Variants in PARVB observed in about 807,000 individuals in gnomAD.
PARVB encodes the protein parvin beta, also known as beta-parvin.
Under a neutral mutation model 47.0 loss-of-function variants are expected in PARVB, and 46 were observed. The ratio of observed to expected loss-of-function variants is 0.98; its 90% CI spans 0.77 to 1.25. The LOEUF (loss-of-function observed/expected upper bound fraction) is 1.25, where lower values mean the gene tolerates loss of function less well. Ranked by LOEUF, PARVB falls within the 50% of genes most tolerant of loss-of-function variation. The pLI, the probability that PARVB is intolerant of heterozygous loss-of-function variation, is 0.00. For missense variants in PARVB, 473 were observed against 471.6 expected (o/e 1.00, Z -0.03); for synonymous variants, 196 against 196.3 (o/e 1.00, Z 0.01).
intron 1 of PARVB, chr22:44,086,979 T>G (rs1300994481): frequency 4.1e-6 from 1 of 246,284 alleles, no homozygotes; most frequent in African/African-American, 2.3e-5. Context: ...GTGGCGTGAG[T>G]TGGCACAGAG....
chr22:44,093,093 C>G (rs738476), intron 1 of PARVB, among the ~76,000 whole-genome samples: 86,762 of 152,080 alleles, frequency 0.57, 25,118 homozygotes, highest in East Asian at 0.86. Context: ...GCTGGAACCT[C>G]GAGTCTTACA....
At chr22:44,032,753 A>G (rs979527627) in intron 1 of PARVB, among the ~76,000 whole-genome samples, 6 of 152,196 alleles carry the variant, frequency 3.9e-5, no homozygotes, top group Admixed American at 6.5e-5. Flanking sequence ...GTGGCAAGTC[A>G]GCTCAGTTTA....
chr22:44,006,267 T>G (rs1308071327), intron 2 of PARVB, among the ~76,000 whole-genome samples: 1 of 148,718 alleles, frequency 6.7e-6, no homozygotes, highest in Admixed American at 6.9e-5. Context: ...ATGCTTTCAA[T>G]AGTGTATATC....
rs758874179 is a variant in PARVB at position 44,140,152 on chromosome 22, C to A, written c.712+9C>A. 2 of 1,613,868 alleles carry A rather than the reference C, an allele frequency of 1.2e-6. No individual in the cohort carries two copies. The highest frequency in any genetic ancestry group is 1.7e-6 in the Non-Finnish European group (2 of 1,179,892). ...GATGATGGGCCGGTTCGGTAAGTAA[C>A]CCCAGGGAAAGTGGGGAGATGGAGG... On this transcript the variant is annotated intron_variant, in intron 8 of 12. Coordinates refer to ENST00000338758, the MANE Select transcript of PARVB (RefSeq NM_013327.5).
intron 1 of PARVB, among the ~76,000 whole-genome samples, chr22:44,054,563 G>A (rs987655098): frequency 2.0e-5 from 3 of 152,184 alleles, no homozygotes; most frequent in Non-Finnish European, 4.4e-5. Flanking sequence ...CCAGGGGCAG[G>A]GGTTGGGGGC....
intron 11 of PARVB, among the ~76,000 whole-genome samples, chr22:44,159,404 G>A (rs1390533650): frequency 6.6e-6 from 1 of 152,156 alleles, no homozygotes; most frequent in African/African-American, 2.4e-5. Context: ...TTTGAAACTG[G>A]GATGAAAGTC....
In PARVB at chr22:44,073,877, G is replaced by A. The variant is rs1017111936; in HGVS notation, c.113-20051G>A. Among the ~76,000 whole-genome samples, 8 of 152,362 alleles carry A rather than the reference G, an allele frequency of 5.3e-5. No individual in the cohort carries two copies. The East Asian group carries it at 1.2e-3, about 22-fold the overall frequency. On this transcript the variant is annotated intron_variant, in intron 1 of 12. Coordinates refer to ENST00000338758, the MANE Select transcript of PARVB (RefSeq NM_013327.5). ...CAGGAGATCCTCAAAACAGATGAGC[G>A]AGCATGATTGCCATTTTTACACTCC...
chr22:44,065,904 C>G (rs970176225), intron 1 of PARVB, among the ~76,000 whole-genome samples: 1 of 151,756 alleles, frequency 6.6e-6, no homozygotes, highest in Non-Finnish European at 1.5e-5. Context: ...TCTTTATCCA[C>G]TCATTGATTG....
At chr22:44,164,413 C>CCCG (rs1555913776) in intron 12 of PARVB, among the ~76,000 whole-genome samples, 74 of 143,988 alleles carry the variant, frequency 5.1e-4, no homozygotes, top group African/African-American at 1.5e-3. Flanking sequence ...TCCCTGTCCC[C>CCCG]CCCCCGGCTC....
chr22:44,038,825 C>T (rs1294433505), intron 1 of PARVB, among the ~76,000 whole-genome samples: 1 of 152,062 alleles, frequency 6.6e-6, no homozygotes, highest in African/African-American at 2.4e-5. Context: ...CCTGGTCAAG[C>T]CATCGAGTGG....
intron 1 of PARVB, among the ~76,000 whole-genome samples, chr22:44,058,658 G>C (rs1271443208): frequency 1.3e-5 from 2 of 148,956 alleles, no homozygotes; most frequent in African/African-American, 2.5e-5. Context: ...GAGTTCAAGC[G>C]ACTCTCCTGC....
At chr22:44,130,331 C>T (rs1287198709) in intron 4 of PARVB, among the ~76,000 whole-genome samples, 2 of 152,150 alleles carry the variant, frequency 1.3e-5, no homozygotes, top group African/African-American at 4.8e-5. Flanking sequence ...CGAAGACTAG[C>T]AGGGAAACTG....
chr22:44,034,835 C>T (rs1167709326), intron 1 of PARVB, among the ~76,000 whole-genome samples: 2 of 151,434 alleles, frequency 1.3e-5, no homozygotes, highest in East Asian at 1.9e-4. Flanking sequence ...CTCAGCTTCC[C>T]GAGTAGCTGG....
At chr22:44,034,289 TTATACATATA>T (rs2050878195) in intron 1 of PARVB, among the ~76,000 whole-genome samples, 1 of 123,706 alleles carries the variant, frequency 8.1e-6, no homozygotes, top group Non-Finnish European at 1.8e-5. Context: ...ATGGGTGTCT[TTATACATATA>T]TATGTTTGAG....
chr22:44,069,550 T>A (rs1261836504), intron 1 of PARVB, among the ~76,000 whole-genome samples: 1 of 152,012 alleles, frequency 6.6e-6, no homozygotes, highest in African/African-American at 2.4e-5. Context: ...CTCTCTGAGA[T>A]GGAGTCTTGC....
chr22:44,119,275 C>A, intron 4 of PARVB, 135 bp downstream of exon 4: 1 of 685,300 alleles, frequency 1.5e-6, no homozygotes, highest in South Asian at 1.6e-5. Context: ...GTGCATCTCC[C>A]AGGTGGTGCC....
intron 2 of PARVB, among the ~76,000 whole-genome samples, chr22:44,002,395 T>G (rs77337425): frequency 6.6e-6 from 1 of 152,210 alleles, no homozygotes; most frequent in Admixed American, 6.5e-5. Flanking sequence ...ATGTAAATCA[T>G]ATTCACCTCC....
chr22:44,116,855 C>T (rs1415348879), intron 3 of PARVB, among the ~76,000 whole-genome samples: 1 of 152,072 alleles, frequency 6.6e-6, no homozygotes, highest in African/African-American at 2.4e-5. Context: ...TGTGCAGAGG[C>T]CCCGTGGCGC....
In PARVB at chr22:44,155,860, G is replaced by A. The variant is rs2053920704; in HGVS notation, c.844-2122G>A. Among the ~76,000 whole-genome samples, 1 of 152,146 alleles carries A rather than the reference G, an allele frequency of 6.6e-6. No homozygotes were observed. Among genetic ancestry groups the A allele is most frequent in the Admixed American group, 6.5e-5 (1 of 15,276 alleles). ...AGTGCCATTTGCCCATCAACTGACAGCGTGTTGAATTTCCAGGCGCAGTGG... is the reference window on the plus strand; with the variant it reads ...AGTGCCATTTGCCCATCAACTGACAACGTGTTGAATTTCCAGGCGCAGTGG... On this transcript the variant is annotated intron_variant, in intron 10 of 12. Transcript: ENST00000338758. The surrounding 1 kb of genome is among the most constrained non-coding windows in gnomAD (Gnocchi z 4.8).
Sources: allele counts gnomAD v4.1 joint callset (sites outside exome capture counted in the v4.1 genomes callset), GRCh38; gene constraint gnomAD v4.1.1; non-coding constraint Gnocchi (gnomAD v3.1); transcripts MANE v1.5; gene names NCBI Gene and HGNC (gene_info 2026-07-23, HGNC 2026-07-21).